The following EML4 variants were observed in gnomAD, a reference collection of about 807,000 sequenced individuals.
EML4 encodes echinoderm microtubule-associated protein-like 4.
EML4 carries 72 observed loss-of-function variants against 129.0 expected under a neutral mutation model. That is an observed-to-expected ratio of 0.56 (90% CI 0.46 to 0.68). The LOEUF (loss-of-function observed/expected upper bound fraction) is 0.68, where lower values mean the gene tolerates loss of function less well. EML4 is among the 30% of genes least tolerant of loss of function. The pLI is 0.00. For missense variants in EML4, 1,363 were observed against 1,190.6 expected, an observed-to-expected ratio of 1.14 and a Z score of -2.13; for synonymous variants, 532 against 405.0, an observed-to-expected ratio of 1.31 and a Z score of -3.77.
At position 42,332,238 on chromosome 2, in the gene EML4, G is replaced by A. The variant is rs1670141042; in HGVS notation, c.*2031G>A. 4.6e-6 allele frequency: 1 copy of A among 215,758 alleles called. No homozygotes were observed. Among genetic ancestry groups the A allele is most frequent in the Non-Finnish European group, 9.4e-6 (1 of 106,758 alleles). 13.4% of individuals were successfully genotyped at this position (215,758 alleles called of 1,614,324 possible). ...GAGGACATCAGTCACCTTTGGGGTTGCCATGTACAATGAGATTTATAATCA... is the reference window on the plus strand; with the variant it reads ...GAGGACATCAGTCACCTTTGGGGTTACCATGTACAATGAGATTTATAATCA... On this transcript the variant is annotated 3_prime_UTR_variant, in exon 23 of 23. Transcript: ENST00000318522.
intron 8 of EML4, 74 bp downstream of exon 8, chr2:42,283,046 A>G: frequency 1.6e-6 from 2 of 1,286,562 alleles, no homozygotes; most frequent in Non-Finnish European, 2.2e-6. Context: ...TTTGGGTTTT[A>G]TTGAAAGTGA....
chr2:42,223,942 C>A (rs967408408), intron 1 of EML4, among the ~76,000 whole-genome samples: 1 of 152,002 alleles, frequency 6.6e-6, no homozygotes, highest in Non-Finnish European at 1.5e-5. Context: ...CCTTCCTTTA[C>A]CCTTGGGAAA....
At position 42,284,713 on chromosome 2, in the gene EML4, A is replaced by AT; in HGVS notation, c.1011+11dup. ...GGATAAAGATGGAAGGGTGAGTGGC[A>AT]TAGTGTTATGCCTTCTGTACCTAGA... On this transcript the variant is annotated intron_variant, in intron 9 of 22. Transcript: ENST00000318522. The AT allele has an allele frequency of 6.2e-7, 1 of 1,607,318 alleles. No individual in the cohort carries two copies. Among genetic ancestry groups the AT allele is most frequent in the Non-Finnish European group, 8.5e-7 (1 of 1,175,000 alleles).
chr2:42,233,438 T>C lies in EML4; in HGVS notation c.26-12067T>C, dbSNP rs555216840. Among the ~76,000 whole-genome samples the C allele has an allele frequency of 3.2e-4, 48 of 152,006 alleles. 2 individuals are homozygous for C. In the South Asian group the frequency reaches 5.8e-3, roughly 18 times the overall value. Reference sequence around the variant, plus strand: ...CTCCTGCCTCAGCCTCCCCAGTAGCTGGGACTATAGGCACCCGCCACCATG... The same window carrying C: ...CTCCTGCCTCAGCCTCCCCAGTAGCCGGGACTATAGGCACCCGCCACCATG... On this transcript the variant is annotated intron_variant, in intron 1 of 22. Transcript: ENST00000318522.
chr2:42,219,719 A>G (rs1485999052), intron 1 of EML4, among the ~76,000 whole-genome samples: 1 of 152,030 alleles, frequency 6.6e-6, no homozygotes, highest in Non-Finnish European at 1.5e-5. Context: ...GGACTTCAAG[A>G]CCAGCCTGGC....
intron 2 of EML4, among the ~76,000 whole-genome samples, chr2:42,246,160 G>A (rs1447531926): frequency 1.3e-5 from 2 of 152,080 alleles, no homozygotes; most frequent in Admixed American, 1.3e-4. Flanking sequence ...TGAAGCTTAC[G>A]AGCCCAGTAT....
chr2:42,299,305 T>A (rs1668141614), intron 13 of EML4, among the ~76,000 whole-genome samples: 1 of 152,132 alleles, frequency 6.6e-6, no homozygotes, highest in African/African-American at 2.4e-5. Flanking sequence ...CCTTAGAAAT[T>A]TTAGTCAATT....
intron 13 of EML4, among the ~76,000 whole-genome samples, chr2:42,300,720 G>A (rs1384721591): frequency 6.6e-6 from 1 of 152,166 alleles, no homozygotes; most frequent in Non-Finnish European, 1.5e-5. Flanking sequence ...GTTAAACGTT[G>A]TGACTGTTAC....
chr2:42,250,952 C>G (rs572482048), intron 2 of EML4, among the ~76,000 whole-genome samples: 2 of 152,156 alleles, frequency 1.3e-5, no homozygotes, highest in Non-Finnish European at 2.9e-5. Context: ...TAGGAGCATG[C>G]AACCTAGATC....
chr2:42,262,040 C>G (rs1169215778), intron 4 of EML4, among the ~76,000 whole-genome samples: 1 of 151,886 alleles, frequency 6.6e-6, no homozygotes, highest in Admixed American at 6.6e-5. Context: ...CTTATTCAAG[C>G]CTTGTGATTA....
intron 1 of EML4, among the ~76,000 whole-genome samples, chr2:42,225,622 C>T (rs1213410493): frequency 2.0e-5 from 3 of 152,238 alleles, no homozygotes; most frequent in African/African-American, 4.8e-5. Context: ...ACTTTATTTA[C>T]ATTTTTTATC....
At chr2:42,210,413 C>G (rs528072921) in intron 1 of EML4, among the ~76,000 whole-genome samples, 2 of 152,256 alleles carry the variant, frequency 1.3e-5, no homozygotes, top group African/African-American at 4.8e-5. Flanking sequence ...TATATGTGAG[C>G]AACATGACAT....
At chr2:42,318,920 G>A (rs1025145226) in intron 19 of EML4, among the ~76,000 whole-genome samples, 8 of 151,874 alleles carry the variant, frequency 5.3e-5, no homozygotes, top group South Asian at 2.1e-4. Flanking sequence ...TGTCCAGGCT[G>A]GTCTCAAACT....
Position 42,282,898 on chromosome 2 carries a change from A to C in EML4, c.867A>C (p.Ala289=), listed in dbSNP as rs139932221. 84 of 1,611,978 alleles carry C rather than the reference A, an allele frequency of 5.2e-5. 1 individual carries two copies. The African/African-American group carries it at 9.1e-4, about 17-fold the overall frequency. ...CCGGGAAAATAGTTTATTTCATTGC[A>C]TCAGTAGTAGTACTATTTAATTATG... is the stretch of plus-strand genomic sequence containing the variant. The part of the protein sequence containing the change: ...LPTGKIVYFI[A]SVVVLFNYEE... Residue 289 remains alanine, a synonymous_variant, in exon 8 of 23, where the codon GCA becomes GCC. Transcript: ENST00000318522.
Position 42,291,511 on chromosome 2 carries a change from C to T in EML4, c.1218+3189C>T, listed in dbSNP as rs946101470. Among the ~76,000 whole-genome samples, 5 of 146,910 alleles carry T rather than the reference C, an allele frequency of 3.4e-5. No individual in the cohort carries two copies. The East Asian group carries it at 1.0e-3, about 30-fold the overall frequency. On this transcript the variant is annotated intron_variant, in intron 11 of 22. Transcript: ENST00000318522. ...CTCCGCCTCCTGGGTTCAAGTGATTCTTCCGCCTCAGCTTCCTGAGTAGTT... is the reference window on the plus strand; with the variant it reads ...CTCCGCCTCCTGGGTTCAAGTGATTTTTCCGCCTCAGCTTCCTGAGTAGTT...
intron 2 of EML4, 134 bp from the exon 3 acceptor site, chr2:42,256,367 C>G: frequency 1.2e-6 from 1 of 802,862 alleles, no homozygotes; most frequent in South Asian, 2.1e-5. Context: ...GCATTCTGCT[C>G]AAGAGTTATA....
intron 1 of EML4, among the ~76,000 whole-genome samples, chr2:42,239,885 G>C (rs1021956361): frequency 6.6e-6 from 1 of 151,994 alleles, no homozygotes; most frequent in Non-Finnish European, 1.5e-5. Context: ...AGTTTATTGT[G>C]AATGAGAATG....
At chr2:42,240,599 T>G (rs1674961226) in intron 1 of EML4, among the ~76,000 whole-genome samples, 2 of 152,242 alleles carry the variant, frequency 1.3e-5, no homozygotes. Context: ...TTTAAATTAT[T>G]CCATGATATT....
rs577958157 is a variant in EML4 at position 42,213,720 on chromosome 2, G to A, written c.26-31785G>A. On this transcript the variant is annotated intron_variant, in intron 1 of 22. Coordinates refer to ENST00000318522, the MANE Select transcript of EML4 (RefSeq NM_019063.5). ...GAATAATTTTCTAATGGTTTTAAAA[G>A]CATGGAAAAAATAATGGCAATAATT... Among the ~76,000 whole-genome samples the A allele has an allele frequency of 1.6e-4, 24 of 152,176 alleles. 1 individual carries two copies. Among genetic ancestry groups the A allele is most frequent in the Middle Eastern group, 6.8e-3 (2 of 294 alleles).
Sources: allele counts gnomAD v4.1 joint callset (sites outside exome capture counted in the v4.1 genomes callset), GRCh38; gene constraint gnomAD v4.1.1; transcripts MANE v1.5; gene names NCBI Gene and HGNC (gene_info 2026-07-23, HGNC 2026-07-21).